Variants in COBL observed in about 807,000 individuals in gnomAD.
COBL encodes the protein cordon-bleu WH2 repeat protein.
COBL carries 51 observed loss-of-function variants against 98.8 expected under a neutral mutation model. That is an observed-to-expected ratio of 0.52 (90% CI 0.41 to 0.65). COBL has a LOEUF of 0.65. Ranked by LOEUF, COBL falls within the 30% of genes least tolerant of loss-of-function variation. The pLI is 0.00. For synonymous variants in COBL, 634 were observed against 651.7 expected, an observed-to-expected ratio of 0.97 and a Z score of 0.41; for missense variants, 1,617 against 1,617.5, an observed-to-expected ratio of 1.00 and a Z score of 0.01.
chr7:51,026,568 C>T lies in COBL; in HGVS notation c.3482G>A (p.Ser1161Asn). The T allele has an allele frequency of 6.2e-7, 1 of 1,614,150 alleles. No homozygotes were observed. Among genetic ancestry groups the T allele is most frequent in the Non-Finnish European group, 8.5e-7 (1 of 1,180,034 alleles). ...SALLAAIRGH[S>N]GTCSLRKVAS... is the part of the protein sequence containing the mutation. ...TACCTTCCTCAGGCTGCAGGTGCCG[C>T]TGTGCCCGCGGATAGCTGCCAGCAG... The change falls in exon 11 of 13, where the codon AGC (serine) becomes AAC (asparagine). Residue 1161 changes from serine (S) to asparagine (N), a missense_variant. This residue lies in a region of COBL where 1,304 missense variants were observed against 1,282.0 expected (regional missense o/e 1.02). Transcript: ENST00000265136.
chr7:51,167,059 A>AC (rs1282932299), intron 5 of COBL, among the ~76,000 whole-genome samples: 1 of 152,166 alleles, frequency 6.6e-6, no homozygotes, highest in Non-Finnish European at 1.5e-5. Flanking sequence ...AAGGATGCCC[A>AC]CTTTCACCAC....
chr7:51,111,885 G>A (rs1451615442), intron 6 of COBL, among the ~76,000 whole-genome samples: 3 of 152,198 alleles, frequency 2.0e-5, no homozygotes, highest in Admixed American at 1.3e-4. Context: ...GAAAGGGCCT[G>A]TGTACATAAT....
chr7:51,314,675 AGT>A (rs1803363627), intron 1 of COBL, among the ~76,000 whole-genome samples: 1 of 152,252 alleles, frequency 6.6e-6, no homozygotes, highest in Non-Finnish European at 1.5e-5. Flanking sequence ...CAAATGACAA[AGT>A]GAGAACAATA....
At chr7:51,207,631 T>C (rs926420405) in intron 2 of COBL, among the ~76,000 whole-genome samples, 1 of 152,246 alleles carries the variant, frequency 6.6e-6, no homozygotes. Flanking sequence ...GGGGTTTCAC[T>C]GTGTTGGCCG....
chr7:51,298,595 T>G (rs981462638), intron 1 of COBL, among the ~76,000 whole-genome samples: 1 of 152,216 alleles, frequency 6.6e-6, no homozygotes, highest in South Asian at 2.1e-4. Context: ...TCATGGCTCA[T>G]TCACCATCTG....
intron 1 of COBL, among the ~76,000 whole-genome samples, chr7:51,229,285 G>A (rs1436631701): frequency 4.6e-5 from 7 of 152,214 alleles, no homozygotes; most frequent in African/African-American, 1.2e-4. Context: ...CCGCGGTGCC[G>A]GCGCCTGTAC....
intron 12 of COBL, among the ~76,000 whole-genome samples, chr7:51,024,714 C>T (rs1397657016): frequency 6.6e-6 from 1 of 152,150 alleles, no homozygotes; most frequent in East Asian, 1.9e-4. Flanking sequence ...GGCTTCCGTG[C>T]CAGCTGAGGG....
At chr7:51,106,519 C>T (rs1317985225) in intron 6 of COBL, among the ~76,000 whole-genome samples, 1 of 152,182 alleles carries the variant, frequency 6.6e-6, no homozygotes, top group Non-Finnish European at 1.5e-5. Context: ...ACTGCACAAA[C>T]CACACATCAT....
chr7:51,175,542 G>A (rs569084243), intron 5 of COBL, among the ~76,000 whole-genome samples: 52 of 152,274 alleles, frequency 3.4e-4, no homozygotes, highest in Non-Finnish European at 6.8e-4. Context: ...TTGATACATC[G>A]TTAATGTTCT....
chr7:51,184,278 A>T, intron 4 of COBL, 79 bp from the exon 5 acceptor site: 1 of 770,958 alleles, frequency 1.3e-6, no homozygotes. Context: ...ATCTTAATAA[A>T]TGAATCCTCT....
chr7:51,222,094 C>G (rs1039935368), intron 1 of COBL, among the ~76,000 whole-genome samples: 8 of 152,150 alleles, frequency 5.3e-5, no homozygotes, highest in African/African-American at 1.9e-4. Flanking sequence ...GAGCCTCAGG[C>G]AGGAGAATCA....
intron 8 of COBL, among the ~76,000 whole-genome samples, chr7:51,039,024 G>A (rs1413448918): frequency 6.6e-6 from 1 of 152,074 alleles, no homozygotes; most frequent in East Asian, 1.9e-4. Context: ...AGGGCCAGGA[G>A]GCTCGACTCA....
At chr7:51,188,821 G>T (rs540270536) in intron 4 of COBL, among the ~76,000 whole-genome samples, 1 of 152,262 alleles carries the variant, frequency 6.6e-6, no homozygotes, top group South Asian at 2.1e-4. Flanking sequence ...GCTATCCTGG[G>T]TCCTCTCCTT....
rs1461708353 is a variant in COBL at position 51,316,658 on chromosome 7, G to T, written c.-25C>A. 1 of 1,192,338 alleles carries T rather than the reference G, an allele frequency of 8.4e-7. No individual in the cohort carries two copies. The highest frequency in any genetic ancestry group is 4.2e-5 in the South Asian group (1 of 24,036). 73.9% of individuals were successfully genotyped at this position (1,192,338 alleles called of 1,614,324 possible). On this transcript the variant is annotated 5_prime_UTR_variant, in exon 1 of 13. Coordinates refer to ENST00000265136, the MANE Select transcript of COBL (RefSeq NM_015198.5). ...TGGTGCCGGGGGCCGGGACGCGGGC[G>T]GTGCTCCGGGCCCGCCGAGTCAGGC...
At chr7:51,299,023 C>T (rs1340882051) in intron 1 of COBL, among the ~76,000 whole-genome samples, 2 of 152,244 alleles carry the variant, frequency 1.3e-5, no homozygotes, top group African/African-American at 4.8e-5. Context: ...CAGCTTTCCT[C>T]ACCCATGAAT....
intron 7 of COBL, among the ~76,000 whole-genome samples, chr7:51,074,440 C>T (rs1375503393): frequency 6.6e-6 from 1 of 152,038 alleles, no homozygotes. Context: ...GTGATCCACC[C>T]GCCTCAGCCT....
intron 1 of COBL, among the ~76,000 whole-genome samples, chr7:51,236,904 AG>A (rs1359125189): frequency 2.0e-5 from 3 of 152,268 alleles, no homozygotes; most frequent in Middle Eastern, 6.8e-3. Flanking sequence ...GCAGGAACTC[AG>A]GGGGTCAACG....
At chr7:51,262,522 G>A (rs759160498) in intron 1 of COBL, among the ~76,000 whole-genome samples, 1 of 152,304 alleles carries the variant, frequency 6.6e-6, no homozygotes, top group Non-Finnish European at 1.5e-5. Context: ...AAAATGGCCC[G>A]GTTAGGACAG....
intron 7 of COBL, among the ~76,000 whole-genome samples, chr7:51,059,865 C>T (rs1791146640): frequency 6.6e-6 from 1 of 152,162 alleles, no homozygotes; most frequent in South Asian, 2.1e-4. Flanking sequence ...CTTAGCATTA[C>T]CCAACGTGGC....
Sources: allele counts gnomAD v4.1 joint callset (sites outside exome capture counted in the v4.1 genomes callset), GRCh38; gene constraint gnomAD v4.1.1; regional missense constraint gnomAD v4.1.1; transcripts MANE v1.5; gene names NCBI Gene and HGNC (gene_info 2026-07-23, HGNC 2026-07-21).